PLS3: variants seen among roughly 807,000 people sequenced by gnomAD.
PLS3 encodes plastin 3.
Under a neutral mutation model 46.5 loss-of-function variants are expected in PLS3, and 11 were observed. The observed-to-expected ratio is 0.24, with a 90% CI of 0.15 to 0.39. The LOEUF is 0.39. Among genes scored for constraint, PLS3 ranks in the 10% least tolerant of loss-of-function variants. PLS3 has a pLI of 1.00. For synonymous variants in PLS3, 167 were observed against 162.2 expected, an observed-to-expected ratio of 1.03 and a Z score of -0.22; for missense variants, 308 against 461.8, an observed-to-expected ratio of 0.67 and a Z score of 3.05.
chrX:115,638,793 A>G (rs1325143285), intron 8 of PLS3, among the ~76,000 whole-genome samples: 3 of 108,870 alleles, frequency 2.8e-5, no homozygotes, highest in African/African-American at 1.0e-4. Context: ...GCTCACTGCA[A>G]GCTCCACCTC....
At chrX:115,577,305 A>G (rs1262425210) in intron 1 of PLS3, among the ~76,000 whole-genome samples, 1 of 111,811 alleles carries the variant, frequency 8.9e-6, no homozygotes, top group Non-Finnish European at 1.9e-5. Context: ...ATAGCTTTAC[A>G]GTGGTAAGCT....
intron 1 of PLS3, among the ~76,000 whole-genome samples, chrX:115,601,924 C>G (rs1304822210): frequency 8.9e-6 from 1 of 111,904 alleles, no homozygotes; most frequent in South Asian, 3.8e-4. Context: ...TAACTTGAAT[C>G]GTCCTCACTG....
intron 2 of PLS3, among the ~76,000 whole-genome samples, chrX:115,618,911 A>G (rs1178873316): frequency 8.9e-6 from 1 of 112,258 alleles, no homozygotes; most frequent in Non-Finnish European, 1.9e-5. Context: ...AAATAGCTTA[A>G]AAGAAAAAAA....
At position 115,578,718 on chromosome X, in the gene PLS3, A is replaced by T. The variant is rs782208607; in HGVS notation, c.-9+17458A>T. 3.0e-3 allele frequency among the ~76,000 whole-genome samples: 326 copies of T among 109,359 alleles called. 2 individuals are homozygous for T. Among genetic ancestry groups the T allele is most frequent in the African/African-American group, 0.01 (311 of 30,156 alleles). The allele number at this position is 109,359 out of a possible 115,157, so 95.0% of individuals were successfully genotyped here. On this transcript the variant is annotated intron_variant, in intron 1 of 15. Coordinates refer to ENST00000355899, the MANE Select transcript of PLS3 (RefSeq NM_005032.7). ...AAAAAAAAAAAAAAAAAAAAAAGATAAAGTGGGAATAATGTTTAAAGCAGG... is the reference window on the plus strand; with the variant it reads ...AAAAAAAAAAAAAAAAAAAAAAGATTAAGTGGGAATAATGTTTAAAGCAGG...
intron 8 of PLS3, among the ~76,000 whole-genome samples, chrX:115,638,444 T>C (rs1556640559): frequency 9.1e-6 from 1 of 110,396 alleles, no homozygotes; most frequent in Non-Finnish European, 1.9e-5. Context: ...GGGGTCTCAC[T>C]GTGTTGCCCA....
At chrX:115,599,086 G>A (rs971860801) in intron 1 of PLS3, among the ~76,000 whole-genome samples, 1 of 110,936 alleles carries the variant, frequency 9.0e-6, no homozygotes, top group Non-Finnish European at 1.9e-5. Flanking sequence ...CTTATTTCTC[G>A]ATATCATGGT....
At chrX:115,561,338 G>A (rs1277518267) in intron 1 of PLS3, 78 bp downstream of exon 1, 1 of 110,683 alleles carries the variant, frequency 9.0e-6, no homozygotes. Context: ...CCCGGGGAGA[G>A]CATCTCGGTT....
intron 10 of PLS3, among the ~76,000 whole-genome samples, chrX:115,644,215 G>T (rs907568354): frequency 1.8e-5 from 2 of 110,596 alleles, no homozygotes; most frequent in Non-Finnish European, 3.8e-5. Context: ...AGAAACAAAT[G>T]ATAATATATA....
chrX:115,588,043 T>G (rs2074321676), intron 1 of PLS3, among the ~76,000 whole-genome samples: 1 of 112,333 alleles, frequency 8.9e-6, no homozygotes, highest in Non-Finnish European at 1.9e-5. Context: ...GTATCAGCAT[T>G]TGGAAGACCC....
At chrX:115,596,521 G>A (rs1342236406) in intron 1 of PLS3, among the ~76,000 whole-genome samples, 3 of 111,644 alleles carry the variant, frequency 2.7e-5, no homozygotes, top group African/African-American at 9.8e-5. Context: ...TAGCAACTAT[G>A]ACCCTATGAC....
chrX:115,589,241 G>C (rs1177790731), intron 1 of PLS3, among the ~76,000 whole-genome samples: 7 of 110,970 alleles, frequency 6.3e-5, no homozygotes, highest in Non-Finnish European at 1.3e-4. Flanking sequence ...CAAGGTGCTG[G>C]GATTACAAGC....
chrX:115,582,032 A>G (rs73579771), intron 1 of PLS3, among the ~76,000 whole-genome samples: 1,202 of 112,446 alleles, frequency 0.011, 14 homozygotes, highest in African/African-American at 0.037. Context: ...AAGATGCAAT[A>G]TAATGGTACT....
intron 1 of PLS3, chrX:115,562,852 G>A (rs2147404046): frequency 9.1e-6 from 1 of 110,441 alleles, no homozygotes; most frequent in Non-Finnish European, 1.9e-5. Context: ...AAAAAAGGTG[G>A]GGAGGAGTGT....
At chrX:115,645,959 G>T in intron 11 of PLS3, 113 bp from the exon 12 acceptor site, 1 of 486,625 alleles carries the variant, frequency 2.1e-6, no homozygotes, top group Non-Finnish European at 3.7e-6. Context: ...ATGAGTCTTG[G>T]GTATTATTTA....
rs2074966789 is a variant in PLS3 at position 115,647,680 on chromosome X, A to T, written c.1635+7A>T. ...TTCCATTCAGAGTTTTAAGGTCAGA[A>T]TCCATATTTGACTATTAAATATTAT... On this transcript the variant is annotated splice_region_variant and intron_variant, in intron 14 of 15. Transcript: ENST00000355899. 2 of 1,197,385 alleles carry T rather than the reference A, an allele frequency of 1.7e-6. No homozygotes were observed. Among genetic ancestry groups the T allele is most frequent in the Admixed American group, 4.4e-5 (2 of 45,275 alleles).
intron 5 of PLS3, among the ~76,000 whole-genome samples, chrX:115,630,798 AATAT>A (rs1490172731): frequency 1.1e-5 from 1 of 91,611 alleles, no homozygotes; most frequent in Admixed American, 1.3e-4. Context: ...ATATATACAA[AATAT>A]ATATGTATAA....
chrX:115,626,092 A>T (rs932750755), intron 3 of PLS3, among the ~76,000 whole-genome samples: 6 of 111,243 alleles, frequency 5.4e-5, no homozygotes, highest in African/African-American at 2.0e-4. Flanking sequence ...ATTCATTGAG[A>T]AGACTCCAGC....
intron 1 of PLS3, among the ~76,000 whole-genome samples, chrX:115,564,935 G>A (rs1277195580): frequency 8.9e-6 from 1 of 111,948 alleles, no homozygotes; most frequent in Non-Finnish European, 1.9e-5. Context: ...TTTTTGATCT[G>A]TGAAAATAAT....
intron 1 of PLS3, among the ~76,000 whole-genome samples, chrX:115,583,150 T>C (rs1556632015): frequency 8.9e-6 from 1 of 112,644 alleles, no homozygotes; most frequent in Non-Finnish European, 1.9e-5. Flanking sequence ...GTGGAATAGA[T>C]GAATTACACC....
Sources: gnomAD v4.1 joint callset for allele counts (sites outside exome capture counted in the v4.1 genomes callset) on GRCh38, gnomAD v4.1.1 for gene constraint, MANE v1.5 for transcripts, NCBI Gene and HGNC (gene_info 2026-07-23, HGNC 2026-07-21) for gene names.